Variants in FOXP2 observed in about 807,000 individuals in gnomAD.
FOXP2 encodes forkhead box protein P2.
In FOXP2, 12 loss-of-function variants were observed where a neutral mutation model predicts 115.8. The ratio of observed to expected loss-of-function variants is 0.10; its 90% CI spans 0.07 to 0.17. FOXP2 has a LOEUF of 0.17. FOXP2 is among the 10% of genes least tolerant of loss of function. The pLI, the probability that FOXP2 is intolerant of heterozygous loss-of-function variation, is 1.00. For synonymous variants in FOXP2, 328 were observed against 297.7 expected (o/e 1.10, Z -1.05); for missense variants, 629 against 843.5 (o/e 0.75, Z 3.15).
At chr7:114,519,885 T>A (rs1798527647) in intron 2 of FOXP2, among the ~76,000 whole-genome samples, 1 of 152,308 alleles carries the variant, frequency 6.6e-6, no homozygotes, top group East Asian at 1.9e-4. Context: ...TTTATCCGTC[T>A]TTTTATAAGC....
intron 16 of FOXP2, chr7:114,667,869 C>A (rs1475534092): frequency 6.6e-6 from 1 of 152,038 alleles, no homozygotes; most frequent in African/African-American, 2.4e-5. Flanking sequence ...AGACTGGAAG[C>A]AGAAAATTAA....
At chr7:114,652,160 C>A in intron 8 of FOXP2, 43 bp from the exon 9 acceptor site, 1 of 1,579,742 alleles carries the variant, frequency 6.3e-7, no homozygotes, top group South Asian at 1.1e-5. Flanking sequence ...CCACTAAGAT[C>A]GACATCACTT....
intron 2 of FOXP2, among the ~76,000 whole-genome samples, chr7:114,487,910 A>G (rs898560191): frequency 5.9e-5 from 9 of 152,166 alleles, no homozygotes; most frequent in African/African-American, 2.2e-4. Flanking sequence ...AAACTGTTCC[A>G]ACCCATGCCT....
chr7:114,138,452 C>T (rs1438833237), intron 1 of FOXP2, among the ~76,000 whole-genome samples: 4 of 147,710 alleles, frequency 2.7e-5, no homozygotes, highest in Admixed American at 1.4e-4. Context: ...AGGGCAATGA[C>T]GCAATCTCGG....
chr7:114,230,439 G>A (rs1412826554), intron 1 of FOXP2, among the ~76,000 whole-genome samples: 1 of 151,798 alleles, frequency 6.6e-6, no homozygotes, highest in Non-Finnish European at 1.5e-5. Flanking sequence ...CTGTGGGCCA[G>A]TATCCCTGAT....
intron 2 of FOXP2, among the ~76,000 whole-genome samples, chr7:114,429,039 C>T (rs1246206328): frequency 3.3e-5 from 5 of 151,190 alleles, no homozygotes; most frequent in Admixed American, 1.3e-4. Context: ...TTTTGTTTGC[C>T]GTGAACTTCT....
In FOXP2 at chr7:114,642,677, C is replaced by T. The variant is rs1210005418; in HGVS notation, c.989+54C>T. 6 of 1,512,110 alleles carry T rather than the reference C, an allele frequency of 4.0e-6. No individual in the cohort carries two copies. In the Admixed American group the frequency reaches 8.4e-5, roughly 21 times the overall value. The allele number at this position is 1,512,110 out of a possible 1,614,324, so 93.7% of individuals were successfully genotyped here. On this transcript the variant is annotated intron_variant, in intron 7 of 16. Coordinates refer to ENST00000350908, the MANE Select transcript of FOXP2 (RefSeq NM_014491.4). Reference sequence around the variant, plus strand: ...TATCTATTTTCAGATTTTATTTTCACCATTGAGACAATGAAAAAGAACAAT... The same window carrying T: ...TATCTATTTTCAGATTTTATTTTCATCATTGAGACAATGAAAAAGAACAAT...
intron 2 of FOXP2, among the ~76,000 whole-genome samples, chr7:114,320,697 C>T (rs1046778536): frequency 1.3e-5 from 2 of 152,184 alleles, no homozygotes; most frequent in African/African-American, 4.8e-5. Context: ...CTGCATGTTG[C>T]ATCTTCCAGT....
chr7:114,442,543 A>G (rs1794652239), intron 2 of FOXP2, among the ~76,000 whole-genome samples: 1 of 152,050 alleles, frequency 6.6e-6, no homozygotes, highest in Non-Finnish European at 1.5e-5. Context: ...CTGCAGCCTC[A>G]ATTTCCTGGG....
At chr7:114,246,922 G>A (rs1233309272) in intron 1 of FOXP2, among the ~76,000 whole-genome samples, 1 of 151,910 alleles carries the variant, frequency 6.6e-6, no homozygotes, top group Non-Finnish European at 1.5e-5. Flanking sequence ...AAATTGTGGT[G>A]GACTATATTG....
At chr7:114,511,633 G>GTT (rs1305614689) in intron 2 of FOXP2, among the ~76,000 whole-genome samples, 9 of 152,154 alleles carry the variant, frequency 5.9e-5, no homozygotes, top group African/African-American at 2.2e-4. Flanking sequence ...TGGCTAGACA[G>GTT]TTATACTACA....
chr7:114,096,142 T>G (rs915316896), intron 1 of FOXP2, among the ~76,000 whole-genome samples: 9 of 152,348 alleles, frequency 5.9e-5, no homozygotes, highest in Admixed American at 2.6e-4. Flanking sequence ...CGACTTTCTT[T>G]GTCACCATCA....
At chr7:114,143,537 G>A (rs1584504685) in intron 1 of FOXP2, among the ~76,000 whole-genome samples, 1 of 152,012 alleles carries the variant, frequency 6.6e-6, no homozygotes, top group East Asian at 1.9e-4. Context: ...AGATTGTTAG[G>A]TTTCTCTGCT....
chr7:114,518,711 G>A (rs1408485691), intron 2 of FOXP2, among the ~76,000 whole-genome samples: 1 of 152,004 alleles, frequency 6.6e-6, no homozygotes, highest in African/African-American at 2.4e-5. Flanking sequence ...TCACCATGTT[G>A]GCCAAGCTGG....
chr7:114,617,627 CTACAAAAA>C (rs1209137341), intron 3 of FOXP2, among the ~76,000 whole-genome samples: 2 of 152,058 alleles, frequency 1.3e-5, no homozygotes, highest in African/African-American at 4.8e-5. Flanking sequence ...AACCCCGTCT[CTACAAAAA>C]TACAAAAATT....
chr7:114,628,058 A>G (rs953610656), intron 3 of FOXP2, among the ~76,000 whole-genome samples: 2 of 152,060 alleles, frequency 1.3e-5, no homozygotes, highest in Non-Finnish European at 2.9e-5. Context: ...TGATGATTAT[A>G]TTTTTAAGTA....
chr7:114,389,072 T>G (rs1027049926), intron 2 of FOXP2, among the ~76,000 whole-genome samples: 1 of 152,228 alleles, frequency 6.6e-6, no homozygotes, highest in African/African-American at 2.4e-5. Context: ...TATTGTACTC[T>G]CTTTAGCTAT....
intron 2 of FOXP2, among the ~76,000 whole-genome samples, chr7:114,477,749 T>C (rs1282546557): frequency 6.6e-6 from 1 of 151,942 alleles, no homozygotes; most frequent in East Asian, 1.9e-4. Flanking sequence ...AGATTGTAGC[T>C]CATAAGTAGA....
intron 2 of FOXP2, among the ~76,000 whole-genome samples, chr7:114,396,257 G>A (rs903969988): frequency 3.3e-4 from 50 of 151,906 alleles, no homozygotes; most frequent in African/African-American, 1.0e-3. Flanking sequence ...AAATAAGTGA[G>A]AACATGCAAC....
Sources: allele counts gnomAD v4.1 joint callset (sites outside exome capture counted in the v4.1 genomes callset), GRCh38; gene constraint gnomAD v4.1.1; transcripts MANE v1.5; gene names NCBI Gene and HGNC (gene_info 2026-07-23, HGNC 2026-07-21).